NSMCE2: variants seen among roughly 807,000 people sequenced by gnomAD.
NSMCE2 encodes the protein E3 SUMO-protein ligase NSE2.
In NSMCE2, 24 loss-of-function variants were observed where a neutral mutation model predicts 23.8. The observed-to-expected ratio is 1.01, with a 90% CI of 0.73 to 1.42. The LOEUF is 1.42. Ranked by LOEUF, NSMCE2 falls within the 40% of genes most tolerant of loss-of-function variation. The probability of loss-of-function intolerance (pLI) is 0.00; values close to 1 mark genes in which losing one functional copy is unlikely to be tolerated. For missense variants in NSMCE2, 284 were observed against 296.5 expected, an observed-to-expected ratio of 0.96 and a Z score of 0.31; for synonymous variants, 92 against 94.1, an observed-to-expected ratio of 0.98 and a Z score of 0.13.
At chr8:125,226,630 A>T (rs1267669419) in intron 5 of NSMCE2, among the ~76,000 whole-genome samples, 1 of 152,132 alleles carries the variant, frequency 6.6e-6, no homozygotes, top group Non-Finnish European at 1.5e-5. Context: ...GGAGGACGAA[A>T]CGCCACTTGT....
intron 5 of NSMCE2, among the ~76,000 whole-genome samples, chr8:125,251,308 C>A (rs1826188222): frequency 6.6e-6 from 1 of 151,840 alleles, no homozygotes; most frequent in African/African-American, 2.4e-5. Flanking sequence ...CAGAAAATGC[C>A]CACAAATGAA....
At chr8:125,307,934 T>G (rs1164161751) in intron 5 of NSMCE2, among the ~76,000 whole-genome samples, 1 of 152,156 alleles carries the variant, frequency 6.6e-6, no homozygotes, top group East Asian at 1.9e-4. Flanking sequence ...ATACAAAAAC[T>G]GGGGGGTTTC....
intron 5 of NSMCE2, among the ~76,000 whole-genome samples, chr8:125,275,327 C>G (rs1827407738): frequency 6.6e-6 from 1 of 152,148 alleles, no homozygotes; most frequent in African/African-American, 2.4e-5. Context: ...TCATTTGTAC[C>G]TAATTCTTAG....
At chr8:125,335,714 C>T (rs1247053915) in intron 5 of NSMCE2, among the ~76,000 whole-genome samples, 1 of 152,208 alleles carries the variant, frequency 6.6e-6, no homozygotes, top group African/African-American at 2.4e-5. Context: ...AGATCATTGA[C>T]ATGGTGACGT....
At chr8:125,163,727 AC>A (rs1015346564) in intron 4 of NSMCE2, among the ~76,000 whole-genome samples, 18 of 152,344 alleles carry the variant, frequency 1.2e-4, no homozygotes, top group African/African-American at 4.3e-4. Flanking sequence ...TCCTGATTCT[AC>A]CAACAAGAAT....
intron 5 of NSMCE2, among the ~76,000 whole-genome samples, chr8:125,317,153 G>GA (rs1829241781): frequency 6.6e-6 from 1 of 150,888 alleles, no homozygotes; most frequent in Non-Finnish European, 1.5e-5. Context: ...TCCATCCTGG[G>GA]AAAAAAATAA....
At chr8:125,316,773 C>CCTTCCTTCCTTCCT (rs1172219929) in intron 5 of NSMCE2, among the ~76,000 whole-genome samples, 66 of 77,382 alleles carry the variant, frequency 8.5e-4, no homozygotes, top group African/African-American at 5.1e-3. Flanking sequence ...CCTTCCTTCT[C>CCTTCCTTCCTTCCT]TCTCTCTCTT....
At chr8:125,357,082 G>A in intron 5 of NSMCE2, 137 bp from the exon 6 acceptor site, 1 of 621,192 alleles carries the variant, frequency 1.6e-6, no homozygotes, top group Admixed American at 2.9e-5. Context: ...AAGCAGAAGA[G>A]TTTCTATGCA....
chr8:125,164,977 C>T (rs1014646595), intron 4 of NSMCE2, among the ~76,000 whole-genome samples: 4 of 152,230 alleles, frequency 2.6e-5, no homozygotes, highest in Admixed American at 2.6e-4. Context: ...GGATAAGTCT[C>T]CATGATAGAA....
At chr8:125,347,895 G>A (rs1812846388) in intron 5 of NSMCE2, among the ~76,000 whole-genome samples, 1 of 152,214 alleles carries the variant, frequency 6.6e-6, no homozygotes. Context: ...TTGACCTGAG[G>A]TGGCAATGAA....
At chr8:125,267,000 TTTC>T (rs1337903934) in intron 5 of NSMCE2, among the ~76,000 whole-genome samples, 4 of 105,560 alleles carry the variant, frequency 3.8e-5, no homozygotes, top group Admixed American at 1.2e-4. Flanking sequence ...TTCTTTTTTC[TTTC>T]TTTTTTTTTT....
intron 1 of NSMCE2, among the ~76,000 whole-genome samples, chr8:125,101,588 G>A (rs1818193642): frequency 6.6e-6 from 1 of 152,194 alleles, no homozygotes; most frequent in Admixed American, 6.5e-5. Flanking sequence ...TCAGTGGATT[G>A]AGTTTCAAAT....
At chr8:125,148,664 T>C (rs1820815879) in intron 3 of NSMCE2, among the ~76,000 whole-genome samples, 1 of 152,202 alleles carries the variant, frequency 6.6e-6, no homozygotes, top group Admixed American at 6.5e-5. Context: ...CTTACCCACT[T>C]TTTTGACCAG....
chr8:125,127,470 C>CA (rs1170192855), intron 3 of NSMCE2, among the ~76,000 whole-genome samples: 4 of 151,788 alleles, frequency 2.6e-5, no homozygotes, highest in Non-Finnish European at 5.9e-5. Flanking sequence ...TCATTTCAAG[C>CA]AAAAAAAGAT....
intron 3 of NSMCE2, among the ~76,000 whole-genome samples, chr8:125,131,090 T>A (rs1438025226): frequency 6.6e-6 from 1 of 152,216 alleles, no homozygotes; most frequent in African/African-American, 2.4e-5. Flanking sequence ...TGTCATGCAT[T>A]TGCAATACAG....
chr8:125,366,998 G>C lies in NSMCE2; in HGVS notation c.*113G>C. 1.6e-6 allele frequency: 1 copy of C among 641,310 alleles called. No individual in the cohort carries two copies. 39.7% of individuals were successfully genotyped at this position (641,310 alleles called of 1,614,324 possible). A position where few individuals can be genotyped will look rare whatever the true frequency, so the allele number is the denominator to read the frequency against. The stretch of plus-strand genomic sequence containing the variant: ...ACTGGCTGCATAGCATACTTGTTGG[G>C]GGTAAAACTTGTTGCTTTTATGTGT... On this transcript the variant is annotated 3_prime_UTR_variant, in exon 8 of 8. Coordinates refer to ENST00000287437, the MANE Select transcript of NSMCE2 (RefSeq NM_173685.4).
At chr8:125,263,507 T>C (rs1223631944) in intron 5 of NSMCE2, among the ~76,000 whole-genome samples, 1 of 152,124 alleles carries the variant, frequency 6.6e-6, no homozygotes, top group South Asian at 2.1e-4. Flanking sequence ...CCCAATACTT[T>C]GGGAGACCAA....
chr8:125,252,059 C>A (rs1826218145), intron 5 of NSMCE2, among the ~76,000 whole-genome samples: 2 of 152,162 alleles, frequency 1.3e-5, no homozygotes, highest in Admixed American at 1.3e-4. Flanking sequence ...CAGATGTCAT[C>A]TGGAGATGGT....
intron 5 of NSMCE2, among the ~76,000 whole-genome samples, chr8:125,252,300 G>T (rs1394187703): frequency 6.6e-6 from 1 of 152,186 alleles, no homozygotes; most frequent in Non-Finnish European, 1.5e-5. Flanking sequence ...AGGCCAAGGG[G>T]GGCAGATCAC....
Sources: gnomAD v4.1 joint callset for allele counts (sites outside exome capture counted in the v4.1 genomes callset) on GRCh38, gnomAD v4.1.1 for gene constraint, MANE v1.5 for transcripts, NCBI Gene and HGNC (gene_info 2026-07-23, HGNC 2026-07-21) for gene names.